The following PDE4A variants were observed in gnomAD, a reference collection of about 807,000 sequenced individuals.
PDE4A encodes phosphodiesterase 4A.
A neutral mutation model predicts 73.9 loss-of-function variants in PDE4A; 21 were observed. That is an observed-to-expected ratio of 0.28 (90% CI 0.20 to 0.41). PDE4A has a LOEUF of 0.41. PDE4A is among the 10% of genes least tolerant of loss of function. The probability of loss-of-function intolerance (pLI) is 1.00; values close to 1 mark genes in which losing one functional copy is unlikely to be tolerated. For synonymous variants in PDE4A, 463 were observed against 505.4 expected (o/e 0.92, Z 1.13); for missense variants, 958 against 1,211.4 (o/e 0.79, Z 3.10).
At chr19:10,416,985 G>T (rs1298727387), upstream of PDE4A, 4 of 1,540,360 alleles carry the variant, frequency 2.6e-6, no homozygotes, top group Admixed American at 7.8e-5. Flanking sequence ...AGGGACCGGG[G>T]ACGAGGTGCG....
intron 1 of PDE4A, among the ~76,000 whole-genome samples, chr19:10,428,257 C>T (rs1006164377): frequency 2.0e-5 from 3 of 151,914 alleles, no homozygotes; most frequent in Non-Finnish European, 4.4e-5. Flanking sequence ...GCTCAGGAAG[C>T]TGAGGTTGAA....
chr19:10,432,557 G>A (rs773455234), intron 1 of PDE4A: 1 of 1,523,324 alleles, frequency 6.6e-7, no homozygotes, highest in Non-Finnish European at 8.8e-7. Flanking sequence ...GGCACCCTCC[G>A]GGCAGATCTG....
intron 1 of PDE4A, among the ~76,000 whole-genome samples, chr19:10,443,350 A>G (rs2042962624): frequency 6.6e-6 from 1 of 151,648 alleles, no homozygotes; most frequent in African/African-American, 2.4e-5. Context: ...TTCCAGACCA[A>G]CCTGGACAAC....
intron 13 of PDE4A, among the ~76,000 whole-genome samples, chr19:10,462,240 C>T (rs1347261095): frequency 6.6e-6 from 1 of 151,980 alleles, no homozygotes; most frequent in Non-Finnish European, 1.5e-5. Context: ...TCCCGCCTCC[C>T]GCCTCCCGGG....
chr19:10,442,472 C>T (rs1388841281), intron 1 of PDE4A, among the ~76,000 whole-genome samples: 1 of 152,120 alleles, frequency 6.6e-6, no homozygotes, highest in East Asian at 1.9e-4. Context: ...TGCAGTGAAC[C>T]GAGATCGCGC....
intron 1 of PDE4A, among the ~76,000 whole-genome samples, chr19:10,431,483 C>T (rs572113403): frequency 1.3e-5 from 2 of 152,136 alleles, no homozygotes; most frequent in Admixed American, 6.6e-5. Flanking sequence ...CTCCTAGTAC[C>T]GGGCCACAGA....
At chr19:10,447,047 C>T (rs1192714675) in intron 2 of PDE4A, among the ~76,000 whole-genome samples, 50 of 147,512 alleles carry the variant, frequency 3.4e-4, no homozygotes, top group Admixed American at 3.3e-3. Context: ...TACAGGCACC[C>T]GCCACCATGC....
At chr19:10,437,238 C>A (rs948050853) in intron 1 of PDE4A, among the ~76,000 whole-genome samples, 1 of 151,938 alleles carries the variant, frequency 6.6e-6, no homozygotes, top group Non-Finnish European at 1.5e-5. Context: ...ATTCTCCTGC[C>A]TCAGCCTCCT....
In PDE4A at chr19:10,420,660, C is replaced by T; in HGVS notation, c.-105C>T. On this transcript the variant is annotated 5_prime_UTR_variant, in exon 1 of 15. Coordinates refer to ENST00000380702, the MANE Select transcript of PDE4A (RefSeq NM_001111307.2). This position sits in a 1 kb window ranked among gnomAD's most constrained non-coding sequence, Gnocchi z 6.0. ...CCGGGGCGCCATGGCCCTACCGCGGCCGGGCGCACCCGCGGGGCCCTGGGC... is the reference window on the plus strand; with the variant it reads ...CCGGGGCGCCATGGCCCTACCGCGGTCGGGCGCACCCGCGGGGCCCTGGGC... 4.4e-6 allele frequency: 6 copies of T among 1,364,656 alleles called. No individual in the cohort carries two copies. Among genetic ancestry groups the T allele is most frequent in the Non-Finnish European group, 5.6e-6 (6 of 1,067,074 alleles). 84.5% of individuals were successfully genotyped at this position (1,364,656 alleles called of 1,614,324 possible).
At chr19:10,428,846 T>G (rs1418910448) in intron 1 of PDE4A, 1 of 985,238 alleles carries the variant, frequency 1.0e-6, no homozygotes, top group Non-Finnish European at 1.2e-6. Context: ...AAAATAGAGA[T>G]TCACTGTTGG....
At chr19:10,449,702 G>A (rs1004159507) in intron 4 of PDE4A, among the ~76,000 whole-genome samples, 2 of 152,024 alleles carry the variant, frequency 1.3e-5, no homozygotes, top group Non-Finnish European at 2.9e-5. Context: ...TGGATGCATG[G>A]TGGTGAGGCC....
chr19:10,426,366 C>G (rs2042718124), intron 1 of PDE4A, among the ~76,000 whole-genome samples: 1 of 152,074 alleles, frequency 6.6e-6, no homozygotes, highest in Non-Finnish European at 1.5e-5. Context: ...TGAATTCGGC[C>G]CAACACAAAT....
At chr19:10,433,428 C>G (rs2042821464) in intron 1 of PDE4A, among the ~76,000 whole-genome samples, 2 of 152,252 alleles carry the variant, frequency 1.3e-5, no homozygotes, top group Admixed American at 6.5e-5. Context: ...ATGCTGTACT[C>G]CCACCTGCAC....
At chr19:10,438,114 G>T (rs1047377715) in intron 1 of PDE4A, among the ~76,000 whole-genome samples, 1 of 144,472 alleles carries the variant, frequency 6.9e-6, no homozygotes, top group Non-Finnish European at 1.5e-5. Flanking sequence ...CAGCCTCCAA[G>T]ACTTTTTTTT....
chr19:10,466,786 G>A, intron 14 of PDE4A, 101 bp from the exon 15 acceptor site: 3 of 1,510,804 alleles, frequency 2.0e-6, no homozygotes, highest in South Asian at 1.3e-5. Flanking sequence ...GAGCCACCAT[G>A]CCCGGCCCAT....
rs746636718 is a variant in PDE4A at position 10,450,605 on chromosome 19, G to A, written c.623G>A (p.Arg208Gln). 3.1e-6 allele frequency: 5 copies of A among 1,605,900 alleles called. No homozygotes were observed. In the South Asian group the frequency reaches 3.3e-5, roughly 11 times the overall value. ...LTNVPVPSNKRSPLGGPTPVC... is the reference protein window; with the variant it reads ...LTNVPVPSNKQSPLGGPTPVC... ...GCCCCATTTTTTTTTTTCTGCAGGCGGTCCCCGCTGGGCGGCCCCACCCCT... is the reference window on the plus strand; with the variant it reads ...GCCCCATTTTTTTTTTTCTGCAGGCAGTCCCCGCTGGGCGGCCCCACCCCT... Residue 208 changes from arginine (R) to glutamine (Q), a missense_variant and splice_region_variant, in exon 5 of 15, where the codon CGG (arginine) becomes CAG (glutamine). Arg to Gln is a conservative substitution (Grantham distance 43). Around this residue, in one of 3 missense-constraint regions of PDE4A, gnomAD observed 570 missense variants for 827.7 expected, o/e 0.69. Transcript: ENST00000380702.
In PDE4A at chr19:10,458,313, C is replaced by T. The variant is rs1568381550; in HGVS notation, c.1101+211C>T. Among the ~76,000 whole-genome samples, 1 of 152,220 alleles carries T rather than the reference C, an allele frequency of 6.6e-6. No homozygotes were observed. Among genetic ancestry groups the T allele is most frequent in the Admixed American group, 6.5e-5 (1 of 15,278 alleles). On this transcript the variant is annotated intron_variant, in intron 8 of 14. Transcript: ENST00000380702. This position sits in a 1 kb window ranked among gnomAD's most constrained non-coding sequence, Gnocchi z 4.6. ...CCGTCCCCAGGGCTGGACGTATCAC[C>T]TCTTGCATGTAGCTCCTGTTGGGAC...
intron 1 of PDE4A, chr19:10,432,647 T>G (rs927668192): frequency 4.3e-6 from 6 of 1,382,090 alleles, no homozygotes; most frequent in Middle Eastern, 2.2e-4. Flanking sequence ...GTGGGGGTGC[T>G]GAGTCTACCT....
chr19:10,417,898 G>C, upstream of PDE4A: 1 of 1,533,734 alleles, frequency 6.5e-7, no homozygotes, highest in Non-Finnish European at 8.7e-7. Flanking sequence ...TGGGAGGTGG[G>C]TTGGGGAGGC....
Sources: allele counts gnomAD v4.1 joint callset (sites outside exome capture counted in the v4.1 genomes callset), GRCh38; gene constraint gnomAD v4.1.1; regional missense constraint gnomAD v4.1.1; non-coding constraint Gnocchi (gnomAD v3.1); transcripts MANE v1.5; gene names NCBI Gene and HGNC (gene_info 2026-07-23, HGNC 2026-07-21).